The following POU6F2 variants were observed in gnomAD, a reference collection of about 807,000 sequenced individuals.
POU6F2 encodes POU class 6 homeobox 2.
Under a neutral mutation model 71.3 loss-of-function variants are expected in POU6F2, and 31 were observed. That is an observed-to-expected ratio of 0.43 (90% CI 0.33 to 0.59). The LOEUF (loss-of-function observed/expected upper bound fraction) is 0.59, where lower values mean the gene tolerates loss of function less well. Ranked by LOEUF, POU6F2 falls within the 20% of genes least tolerant of loss-of-function variation. POU6F2 has a pLI of 0.04. For synonymous variants in POU6F2, 347 were observed against 355.7 expected (o/e 0.98, Z 0.27); for missense variants, 783 against 856.8 (o/e 0.91, Z 1.07).
intron 4 of POU6F2, among the ~76,000 whole-genome samples, chr7:39,272,424 C>T (rs764384389): frequency 1.3e-5 from 2 of 152,088 alleles, no homozygotes; most frequent in Non-Finnish European, 2.9e-5. Flanking sequence ...CCCTGGAGAC[C>T]AGCATAATAT....
chr7:39,039,026 G>T (rs1414277434), intron 1 of POU6F2, among the ~76,000 whole-genome samples: 1 of 151,952 alleles, frequency 6.6e-6, no homozygotes, highest in African/African-American at 2.4e-5. Context: ...CATGGATTTA[G>T]GGCATGGATT....
chr7:39,265,882 G>A (rs1333893231), intron 4 of POU6F2, among the ~76,000 whole-genome samples: 1 of 152,168 alleles, frequency 6.6e-6, no homozygotes, highest in Non-Finnish European at 1.5e-5. Context: ...GACTGAAGAA[G>A]ATCAAATTAA....
chr7:39,455,400 C>T (rs1788776882), intron 8 of POU6F2, among the ~76,000 whole-genome samples: 3 of 152,194 alleles, frequency 2.0e-5, no homozygotes, highest in African/African-American at 7.2e-5. Context: ...TTCTACATCC[C>T]AAAGAGGTCA....
intron 6 of POU6F2, among the ~76,000 whole-genome samples, chr7:39,424,407 A>T (rs748272372): frequency 7.2e-5 from 11 of 152,222 alleles, no homozygotes; most frequent in Non-Finnish European, 1.3e-4. Context: ...TAGAGAAATC[A>T]ATTAGCCTTA....
At chr7:38,979,120 A>G (rs901620037) in intron 1 of POU6F2, among the ~76,000 whole-genome samples, 1 of 151,978 alleles carries the variant, frequency 6.6e-6, no homozygotes, top group Admixed American at 6.6e-5. Context: ...TTTTGACTAA[A>G]TTTTTCTAAG....
intron 2 of POU6F2, among the ~76,000 whole-genome samples, chr7:39,105,610 T>C (rs1169147924): frequency 6.6e-6 from 1 of 152,124 alleles, no homozygotes; most frequent in Non-Finnish European, 1.5e-5. Context: ...AATTTCTGGC[T>C]CTGTTGATTA....
chr7:39,327,349 ATT>A (rs1182203893), intron 4 of POU6F2, among the ~76,000 whole-genome samples: 1 of 151,904 alleles, frequency 6.6e-6, no homozygotes, highest in Non-Finnish European at 1.5e-5. Flanking sequence ...ACACCTTCGT[ATT>A]TTTTATCAGT....
Position 39,464,609 on chromosome 7 carries a change from A to G in POU6F2, c.2086A>G (p.Lys696Glu), listed in dbSNP as rs1377375535. 6.2e-7 allele frequency: 1 copy of G among 1,610,668 alleles called. No homozygotes were observed. The highest frequency in any genetic ancestry group is 1.1e-5 in the South Asian group (1 of 90,280). Residue 696 changes from lysine (K) to glutamate (E), a missense_variant, in exon 10 of 10, where the codon AAA becomes GAA. Physicochemically the swap from Lys to Glu is moderately conservative, Grantham distance 56. Transcript: ENST00000518318. The surrounding 1 kb of genome is among the most constrained non-coding windows in gnomAD (Gnocchi z 4.1). ...NKRQALKNTI[K>E]RLKQHEPATA... ...GAGGCAAGCCCTGAAGAACACAATT[A>G]AACGCTTAAAACAGCACGAGCCGGC...
At chr7:39,053,145 A>G (rs1446624553) in intron 1 of POU6F2, among the ~76,000 whole-genome samples, 1 of 152,132 alleles carries the variant, frequency 6.6e-6, no homozygotes, top group Non-Finnish European at 1.5e-5. Context: ...AAGATGATGG[A>G]AGAAGAAGAA....
intron 1 of POU6F2, among the ~76,000 whole-genome samples, chr7:39,030,649 T>C (rs1363684616): frequency 2.7e-5 from 4 of 150,404 alleles, no homozygotes; most frequent in Admixed American, 6.6e-5. Context: ...TGAATAAAGC[T>C]GCAATAAACA....
intron 1 of POU6F2, 77 bp from the exon 2 acceptor site, chr7:39,085,783 G>A: frequency 7.1e-7 from 1 of 1,403,286 alleles, no homozygotes; most frequent in Non-Finnish European, 9.9e-7. Flanking sequence ...AAGAGAGAGG[G>A]AGAGGGAGAG....
intron 4 of POU6F2, among the ~76,000 whole-genome samples, chr7:39,260,760 C>T (rs1044058565): frequency 1.3e-5 from 2 of 151,970 alleles, no homozygotes; most frequent in Admixed American, 1.3e-4. Context: ...CACCATGCCA[C>T]ATACCACATA....
chr7:39,068,791 T>G (rs976114961), intron 1 of POU6F2, among the ~76,000 whole-genome samples: 21 of 152,262 alleles, frequency 1.4e-4, no homozygotes, highest in East Asian at 9.7e-4. Context: ...CTGGGAAACT[T>G]GATAACTCTT....
chr7:39,389,954 A>G (rs951560548), intron 5 of POU6F2, among the ~76,000 whole-genome samples: 5 of 152,114 alleles, frequency 3.3e-5, no homozygotes, highest in African/African-American at 9.7e-5. Flanking sequence ...TTTCCCTCTT[A>G]AGAGTTTTTT....
chr7:39,391,708 A>G (rs1402983634), intron 5 of POU6F2, among the ~76,000 whole-genome samples: 3 of 152,220 alleles, frequency 2.0e-5, no homozygotes, highest in Non-Finnish European at 4.4e-5. Context: ...TCCCTTCTGC[A>G]GTACTGTCCT....
intron 2 of POU6F2, among the ~76,000 whole-genome samples, chr7:39,165,583 G>A (rs887645207): frequency 6.6e-6 from 1 of 152,070 alleles, no homozygotes. Flanking sequence ...TAACCCTGAA[G>A]GATAGTCATA....
At chr7:39,375,532 C>T (rs1468401216) in intron 5 of POU6F2, among the ~76,000 whole-genome samples, 6 of 152,042 alleles carry the variant, frequency 3.9e-5, no homozygotes, top group African/African-American at 9.7e-5. Flanking sequence ...TCCTCTTTTG[C>T]GGTCCCTTCT....
rs185902539 is a variant in POU6F2 at position 39,303,950 on chromosome 7, A to G, written c.599-35692A>G. On this transcript the variant is annotated intron_variant, in intron 4 of 9. Transcript: ENST00000518318. ...CTTCCACATCAATCCACTTCAAACT[A>G]TCCCAAATATGGTATCAGACTAATT... Among the ~76,000 whole-genome samples the G allele has an allele frequency of 9.8e-5, 15 of 152,298 alleles. No homozygotes were observed. The East Asian group carries it at 1.9e-3, about 20-fold the overall frequency.
chr7:39,195,896 C>T (rs894634950), intron 2 of POU6F2, among the ~76,000 whole-genome samples: 1 of 152,040 alleles, frequency 6.6e-6, no homozygotes, highest in African/African-American at 2.4e-5. Flanking sequence ...CTCACTTCGC[C>T]CACATCTCCT....
Sources: allele counts gnomAD v4.1 joint callset (sites outside exome capture counted in the v4.1 genomes callset), GRCh38; gene constraint gnomAD v4.1.1; non-coding constraint Gnocchi (gnomAD v3.1); transcripts MANE v1.5; gene names NCBI Gene and HGNC (gene_info 2026-07-23, HGNC 2026-07-21).